The following PHF3 variants were observed in gnomAD, a reference collection of about 807,000 sequenced individuals.
The protein encoded by PHF3 is PHD finger protein 3.
Under a neutral mutation model 178.4 loss-of-function variants are expected in PHF3, and 41 were observed. That is an observed-to-expected ratio of 0.23 (90% CI 0.18 to 0.30). PHF3 has a LOEUF of 0.30. Ranked by LOEUF, PHF3 falls within the 10% of genes least tolerant of loss-of-function variation. The pLI is 1.00. For synonymous variants in PHF3, 842 were observed against 800.5 expected (o/e 1.05, Z -0.88); for missense variants, 2,346 against 2,398.1 (o/e 0.98, Z 0.45).
At chr6:63,705,813 A>C (rs1767664679) in intron 11 of PHF3, among the ~76,000 whole-genome samples, 1 of 152,196 alleles carries the variant, frequency 6.6e-6, no homozygotes, top group African/African-American at 2.4e-5. Flanking sequence ...TATATAGAAG[A>C]GGGCTGGCAG....
Position 63,654,037 on chromosome 6 carries a change from A to G in PHF3, c.244+7242A>G, listed in dbSNP as rs144444156. Among the ~76,000 whole-genome samples, 1,230 of 151,922 alleles carry G rather than the reference A, an allele frequency of 8.1e-3. 8 individuals carry two copies. Among genetic ancestry groups the G allele is most frequent in the Non-Finnish European group, 0.014 (940 of 67,924 alleles). On this transcript the variant is annotated intron_variant, in intron 2 of 15. Coordinates refer to ENST00000262043, the MANE Select transcript of PHF3 (RefSeq NM_001370348.2). Reference sequence around the variant, plus strand: ...GTGCTGCTGGATTCAGTTTGCTAGGATTTTTGCATTTATATTAATCAGGGA... The same window carrying G: ...GTGCTGCTGGATTCAGTTTGCTAGGGTTTTTGCATTTATATTAATCAGGGA...
rs748617600 is a variant in PHF3 at position 63,725,083 on chromosome 6, A to C, written c.*11375A>C. Among the ~76,000 whole-genome samples the C allele has an allele frequency of 9.2e-5, 14 of 152,168 alleles. No homozygotes were observed. Among genetic ancestry groups the C allele is most frequent in the Non-Finnish European group, 2.9e-5 (2 of 67,986 alleles). On this transcript the variant is annotated 3_prime_UTR_variant, in exon 16 of 16. Transcript: ENST00000262043. ...TCTGATAATTGTTTTTGGTTAATCTAGGTTTAAGCATGTAGAACTTATATT... is the reference window on the plus strand; with the variant it reads ...TCTGATAATTGTTTTTGGTTAATCTCGGTTTAAGCATGTAGAACTTATATT...
chr6:63,684,228 C>A lies in PHF3; in HGVS notation c.506C>A (p.Ala169Asp). The A allele has an allele frequency of 6.2e-7, 1 of 1,613,960 alleles. No individual in the cohort carries two copies. The highest frequency in any genetic ancestry group is 1.6e-4 in the Middle Eastern group (1 of 6,062). Residue 169 changes from alanine to aspartate, a missense_variant, in exon 4 of 16, where the codon GCT becomes GAT. Transcript: ENST00000262043. ...KKASGKTVST[A>D]KAGVKQPERS... ...GCATCTGGGAAGACTGTATCTACTG[C>A]TAAAGCAGGAGTGAAACAACCAGAA...
At chr6:63,691,422 T>C (rs1479532105) in intron 4 of PHF3, among the ~76,000 whole-genome samples, 1 of 152,182 alleles carries the variant, frequency 6.6e-6, no homozygotes, top group Non-Finnish European at 1.5e-5. Flanking sequence ...GTCTATACTT[T>C]GTTATTGTTT....
chr6:63,676,028 A>G (rs1385984698), intron 2 of PHF3, among the ~76,000 whole-genome samples: 1 of 152,130 alleles, frequency 6.6e-6, no homozygotes, highest in African/African-American at 2.4e-5. Context: ...ACCTTGATGC[A>G]TCTTTTGTCT....
rs553403799 is a variant in PHF3, at chr6:63,701,639, G to A, written c.3100-869G>A. On this transcript the variant is annotated intron_variant, in intron 9 of 15. Transcript: ENST00000262043. Reference sequence around the variant, plus strand: ...TAAACCTCCATATAGACCTATGCCAGATCTAGTTTGAAGCTCATCTAGAGG... The same window carrying A: ...TAAACCTCCATATAGACCTATGCCAAATCTAGTTTGAAGCTCATCTAGAGG... 1.1e-4 allele frequency among the ~76,000 whole-genome samples: 16 copies of A among 152,272 alleles called. No individual in the cohort carries two copies. The South Asian group carries it at 2.9e-3, about 28-fold the overall frequency.
chr6:63,711,679 T>C lies in PHF3; in HGVS notation c.4091T>C (p.Ile1364Thr), dbSNP rs146289538. Residue 1364 changes from isoleucine (I) to threonine (T), a missense_variant, in exon 16 of 16, where the codon ATA becomes ACA. Transcript: ENST00000262043. ...QHSACASTSH[I>T]AETPESAPPI... is the part of the protein sequence containing the mutation. ...AGTGCCTGTGCTAGTACTAGTCATA[T>C]AGCTGAGACTCCTGAAAGTGCACCA... 8.7e-5 allele frequency: 141 copies of C among 1,613,892 alleles called. No homozygotes were observed. In the Admixed American group the frequency reaches 1.0e-3, roughly 12 times the overall value.
At chr6:63,704,838 A>T (rs57280061) in intron 11 of PHF3, among the ~76,000 whole-genome samples, 21,871 of 152,076 alleles carry the variant, frequency 0.14, 1,792 homozygotes, top group African/African-American at 0.22. Context: ...ACAGAGGCTG[A>T]GCCATTTTGC....
In PHF3 at chr6:63,720,588, G is replaced by A. The variant is rs887309852; in HGVS notation, c.*6880G>A. On this transcript the variant is annotated 3_prime_UTR_variant, in exon 16 of 16. Transcript: ENST00000262043. ...TGTATAGTGTGTACTAAAATCTCTA[G>A]TGTTAACTTATGTAACCTCATTTTG... 2.8e-6 allele frequency: 4 copies of A among 1,453,824 alleles called. No individual in the cohort carries two copies. In the African/African-American group the frequency reaches 5.7e-5, roughly 21 times the overall value. The allele number at this position is 1,453,824 out of a possible 1,614,324, so 90.1% of individuals were successfully genotyped here.
Position 63,685,565 on chromosome 6 carries a change from C to A in PHF3, c.1843C>A (p.Gln615Lys). ...GCLKEPHHPAQTGHVSHSSQK... is the reference protein window; with the variant it reads ...GCLKEPHHPAKTGHVSHSSQK... ...CTTGAAAGAACCTCATCATCCTGCA[C>A]AAACTGGACATGTATCACATTCTAG... The change falls in exon 4 of 16, where the codon CAA becomes AAA. Residue 615 changes from glutamine (Q) to lysine (K), a missense_variant. Coordinates refer to ENST00000262043, the MANE Select transcript of PHF3 (RefSeq NM_001370348.2). 1 of 1,614,080 alleles carries A rather than the reference C, an allele frequency of 6.2e-7. No homozygotes were observed. Among genetic ancestry groups the A allele is most frequent in the Non-Finnish European group, 8.5e-7 (1 of 1,179,994 alleles).
Position 63,643,116 on chromosome 6 carries a change from GT to G in PHF3, c.-25-3402del, listed in dbSNP as rs535277345. Among the ~76,000 whole-genome samples the G allele has an allele frequency of 4.7e-5, 7 of 150,482 alleles. No individual in the cohort carries two copies. The East Asian group carries it at 5.8e-4, about 13-fold the overall frequency. On this transcript the variant is annotated intron_variant, in intron 1 of 15. Coordinates refer to ENST00000262043, the MANE Select transcript of PHF3 (RefSeq NM_001370348.2). ...TACAGACTTTATTCTGATTTTACCG[GT>G]TTTTTTTTGCTACTGTCCCTTTTCT...
intron 1 of PHF3, among the ~76,000 whole-genome samples, chr6:63,639,429 A>G (rs894693144): frequency 2.6e-5 from 4 of 152,134 alleles, no homozygotes; most frequent in African/African-American, 4.8e-5. Flanking sequence ...ATTGAGGCTT[A>G]CATTTTGTTT....
chr6:63,654,045 A>C (rs532218959), intron 2 of PHF3, among the ~76,000 whole-genome samples: 1 of 152,060 alleles, frequency 6.6e-6, no homozygotes, highest in South Asian at 2.1e-4. Context: ...GGATTTTTGC[A>C]TTTATATTAA....
rs1377258291 is a variant in PHF3, at chr6:63,720,535, G to A, written c.*6827G>A. 1 of 1,250,828 alleles carries A rather than the reference G, an allele frequency of 8.0e-7. No homozygotes were observed. Among genetic ancestry groups the A allele is most frequent in the Admixed American group, 3.1e-5 (1 of 32,254 alleles). 77.5% of individuals were successfully genotyped at this position (1,250,828 alleles called of 1,614,324 possible). ...GATTCCCCGTAAGCAATGTATCAAA[G>A]AAATAACTATCAAAATAACTGCATT... On this transcript the variant is annotated 3_prime_UTR_variant, in exon 16 of 16. Coordinates refer to ENST00000262043, the MANE Select transcript of PHF3 (RefSeq NM_001370348.2).
At chr6:63,700,253 T>G (rs1470499712) in intron 8 of PHF3, 97 bp from the exon 9 acceptor site, 1 of 580,520 alleles carries the variant, frequency 1.7e-6, no homozygotes, top group African/African-American at 1.9e-5. Flanking sequence ...TATTTGTAAA[T>G]CAGTCTTCAA....
In PHF3 at chr6:63,715,149, A is replaced by AT. The variant is rs1245280945; in HGVS notation, c.*1446dup. Reference sequence around the variant, plus strand: ...GTTTTGAAACAGAATTATCCTTGTTATTTTTGCTGGAGAGAAGGGAGGAAA... The same window carrying AT: ...GTTTTGAAACAGAATTATCCTTGTTATTTTTTGCTGGAGAGAAGGGAGGAAA... On this transcript the variant is annotated 3_prime_UTR_variant, in exon 16 of 16. Coordinates refer to ENST00000262043, the MANE Select transcript of PHF3 (RefSeq NM_001370348.2). 1 of 152,080 alleles carries AT rather than the reference A, an allele frequency of 6.6e-6. No homozygotes were observed. Among genetic ancestry groups the AT allele is most frequent in the Non-Finnish European group, 1.5e-5 (1 of 67,980 alleles). 9.4% of individuals were successfully genotyped at this position (152,080 alleles called of 1,614,324 possible). A position where few individuals can be genotyped will look rare whatever the true frequency, so the allele number is the denominator to read the frequency against.
chr6:63,712,306 T>A lies in PHF3; in HGVS notation c.4718T>A (p.Leu1573Ter), dbSNP rs1198996467. 1.9e-6 allele frequency: 3 copies of A among 1,613,236 alleles called. No individual in the cohort carries two copies. Among genetic ancestry groups the A allele is most frequent in the Non-Finnish European group, 2.5e-6 (3 of 1,179,766 alleles). The change falls in exon 16 of 16, where the codon TTA (leucine) becomes TAA (stop). Residue 1573 changes from leucine (L) to a stop codon, truncating the protein, a stop_gained. Transcript: ENST00000262043. LOFTEE classifies it high-confidence loss of function. ...CCAGATGTTTCTACAGAAGCATTTT[T>A]AACAAATTTATCAATTCAGTCAAAA... ...KPPDVSTEAF[L>*]TNLSIQSKQE...
At chr6:63,673,115 GA>G (rs1765991447) in intron 2 of PHF3, among the ~76,000 whole-genome samples, 1 of 151,314 alleles carries the variant, frequency 6.6e-6, no homozygotes, top group Non-Finnish European at 1.5e-5. Flanking sequence ...CTATGCTTGG[GA>G]TTTTTTTTTT....
Position 63,685,271 on chromosome 6 carries a change from A to C in PHF3, c.1549A>C (p.Ile517Leu). 6.2e-7 allele frequency: 1 copy of C among 1,614,146 alleles called. No homozygotes were observed. The highest frequency in any genetic ancestry group is 8.5e-7 in the Non-Finnish European group (1 of 1,180,010). ...AATTGTTGCAGCAAAGTATGAAGTA[A>C]TACATAGCAAAACTAAAGTTAATGT... Reference protein sequence around the residue: ...KKIVAAKYEVIHSKTKVNVKS... With the variant: ...KKIVAAKYEVLHSKTKVNVKS... Residue 517 changes from isoleucine (I) to leucine (L), a missense_variant, in exon 4 of 16, where the codon ATA (isoleucine) becomes CTA (leucine). Physicochemically the swap from Ile to Leu is conservative, Grantham distance 5. Coordinates refer to ENST00000262043, the MANE Select transcript of PHF3 (RefSeq NM_001370348.2).
Sources: allele counts gnomAD v4.1 joint callset (sites outside exome capture counted in the v4.1 genomes callset), GRCh38; gene constraint gnomAD v4.1.1; transcripts MANE v1.5; gene names NCBI Gene and HGNC (gene_info 2026-07-23, HGNC 2026-07-21).